Variants in RADIL observed in about 807,000 individuals in gnomAD.
The protein encoded by RADIL is Rap associating with DIL domain.
RADIL carries 99 observed loss-of-function variants against 97.6 expected under a neutral mutation model. The ratio of observed to expected loss-of-function variants is 1.01; its 90% CI spans 0.86 to 1.20. The LOEUF (loss-of-function observed/expected upper bound fraction) is 1.20. Among genes scored for constraint, RADIL ranks in the 50% most tolerant of loss-of-function variants. The pLI, the probability that RADIL is intolerant of heterozygous loss-of-function variation, is 0.00. For synonymous variants in RADIL, 803 were observed against 691.8 expected (o/e 1.16, Z -2.52); for missense variants, 1,765 against 1,498.9 (o/e 1.18, Z -2.93).
In RADIL at chr7:4,846,518, C is replaced by T. The variant is rs193100972; in HGVS notation, c.536-9913G>A. Among the ~76,000 whole-genome samples, 12 of 149,338 alleles carry T rather than the reference C, an allele frequency of 8.0e-5. No individual in the cohort carries two copies. The East Asian group carries it at 2.4e-3, about 30-fold the overall frequency. On this transcript the variant is annotated intron_variant, in intron 2 of 14. Coordinates refer to ENST00000399583, the MANE Select transcript of RADIL (RefSeq NM_018059.5). ...TTCCTTGCCATCTAGAAAATGATTC[C>T]AACTCCCTTCCCTCCCCTGCATCTG...
chr7:4,839,188 C>T (rs187069303), intron 2 of RADIL, among the ~76,000 whole-genome samples: 4 of 152,114 alleles, frequency 2.6e-5, no homozygotes, highest in African/African-American at 9.7e-5. Context: ...CCTAAAACAC[C>T]GCTGTATATA....
At chr7:4,858,364 T>C (rs1227819167) in intron 2 of RADIL, 1 of 152,240 alleles carries the variant, frequency 6.6e-6, no homozygotes, top group Non-Finnish European at 1.5e-5. Flanking sequence ...TTCATTCACA[T>C]CTGTTGCCCC....
rs1411069881 is a variant in RADIL at position 4,822,417 on chromosome 7, A to G, written c.1592T>C (p.Met531Thr). 6.2e-7 allele frequency: 1 copy of G among 1,612,462 alleles called. No individual in the cohort carries two copies. Among genetic ancestry groups the G allele is most frequent in the African/African-American group, 1.3e-5 (1 of 75,064 alleles). ...QQKCPLYMQS[M>T]EEQLDITGSK... ...ACCTGTGATGTCCAGCTGCTCCTCCATGCTCTGCATGTAGAGTGGGCATTT... is the reference window on the plus strand; with the variant it reads ...ACCTGTGATGTCCAGCTGCTCCTCCGTGCTCTGCATGTAGAGTGGGCATTT... The change falls in exon 6 of 15, where the codon ATG becomes ACG. Residue 531 changes from methionine to threonine, a missense_variant. Transcript: ENST00000399583. The surrounding 1 kb of genome is among the most constrained non-coding windows in gnomAD (Gnocchi z 5.3).
chr7:4,879,891 C>T lies in RADIL; in HGVS notation c.-64-1688G>A, dbSNP rs947338767. Among the ~76,000 whole-genome samples the T allele has an allele frequency of 6.6e-6, 1 of 152,200 alleles. No homozygotes were observed. Among genetic ancestry groups the T allele is most frequent in the South Asian group, 2.1e-4 (1 of 4,830 alleles). On this transcript the variant is annotated intron_variant, in intron 1 of 14. Transcript: ENST00000399583. This position sits in a 1 kb window ranked among gnomAD's most constrained non-coding sequence, Gnocchi z 4.1. ...AGCTGTCATGGGTGAGTCCTGAAATCAGACCACCACTCGCTTCCTCCAGAA... is the reference window on the plus strand; with the variant it reads ...AGCTGTCATGGGTGAGTCCTGAAATTAGACCACCACTCGCTTCCTCCAGAA...
Position 4,880,261 on chromosome 7 carries a change from G to A in RADIL, c.-64-2058C>T, listed in dbSNP as rs370861054. On this transcript the variant is annotated intron_variant, in intron 1 of 14. Coordinates refer to ENST00000399583, the MANE Select transcript of RADIL (RefSeq NM_018059.5). This position sits in a 1 kb window ranked among gnomAD's most constrained non-coding sequence, Gnocchi z 4.5. ...TCTCTTCCTCTGAGGAAGGTGCAAC[G>A]AGTGGCCTTGTCAAATCCTAAGAAG... Among the ~76,000 whole-genome samples the A allele has an allele frequency of 9.9e-5, 15 of 152,150 alleles. No homozygotes were observed. The highest frequency in any genetic ancestry group is 1.6e-4 in the Non-Finnish European group (11 of 68,018).
intron 2 of RADIL, among the ~76,000 whole-genome samples, chr7:4,846,627 C>T (rs973403649): frequency 6.7e-6 from 1 of 150,162 alleles, no homozygotes; most frequent in African/African-American, 2.5e-5. Flanking sequence ...CTCACTGCAA[C>T]GTCCGCCTTC....
At chr7:4,805,406 G>A (rs1182866216) in intron 10 of RADIL, 160 bp downstream of exon 10, 1 of 620,274 alleles carries the variant, frequency 1.6e-6, no homozygotes, top group East Asian at 3.4e-5. Context: ...GGATGGGGCG[G>A]GGCGGGGGGG....
Position 4,801,650 on chromosome 7 carries a change from C to T in RADIL, c.2842+3G>A, listed in dbSNP as rs764201292. The T allele has an allele frequency of 1.9e-6, 3 of 1,591,628 alleles. No homozygotes were observed. The highest frequency in any genetic ancestry group is 2.3e-5 in the South Asian group (2 of 88,180). On this transcript the variant is annotated splice_donor_region_variant and intron_variant, in intron 12 of 14. Transcript: ENST00000399583. The stretch of plus-strand genomic sequence containing the variant: ...TCCCGCCTGAGCACCAGGCAGGGCT[C>T]ACCTTCCGGAGCTGCACCCCGGAGG...
chr7:4,802,061 TGGGCAGCCTGCAGCAGAA>T (rs1306205071), intron 11 of RADIL, 66 bp from the exon 12 acceptor site: 1 of 1,334,632 alleles, frequency 7.5e-7, no homozygotes, highest in Non-Finnish European at 1.0e-6. Flanking sequence ...CTCGGGCAAC[TGGGCAGCCTGCAGCAGAA>T]GGGCCGCCAG....
chr7:4,839,042 C>T (rs1429173477), intron 2 of RADIL, among the ~76,000 whole-genome samples: 1 of 152,354 alleles, frequency 6.6e-6, no homozygotes, highest in African/African-American at 2.4e-5. Context: ...CCGCCATGCA[C>T]GGGAGGAGAG....
intron 2 of RADIL, among the ~76,000 whole-genome samples, chr7:4,856,050 C>A (rs1783821538): frequency 6.6e-6 from 1 of 151,882 alleles, no homozygotes; most frequent in Admixed American, 6.6e-5. Flanking sequence ...CTCAAGTGAT[C>A]CGCTCGCCTC....
Position 4,878,710 on chromosome 7 carries a change from G to A in RADIL, c.-64-507C>T, listed in dbSNP as rs142766968. ...CATTACTGGGAAACACAATGAGGTC[G>A]CCTAAGTAAGACACGCTCCGCTGCA... On this transcript the variant is annotated intron_variant, in intron 1 of 14. Coordinates refer to ENST00000399583, the MANE Select transcript of RADIL (RefSeq NM_018059.5). The surrounding 1 kb of genome is among the most constrained non-coding windows in gnomAD (Gnocchi z 4.1). 2.6e-5 allele frequency among the ~76,000 whole-genome samples: 4 copies of A among 152,330 alleles called. No individual in the cohort carries two copies. The highest frequency in any genetic ancestry group is 7.2e-5 in the African/African-American group (3 of 41,586).
At chr7:4,843,265 G>T (rs190496570) in intron 2 of RADIL, among the ~76,000 whole-genome samples, 2 of 151,388 alleles carry the variant, frequency 1.3e-5, no homozygotes, top group African/African-American at 4.9e-5. Flanking sequence ...CGCCTGCCTC[G>T]GCCTGCCAAA....
intron 2 of RADIL, among the ~76,000 whole-genome samples, chr7:4,855,465 C>T (rs1347801793): frequency 6.6e-6 from 1 of 152,022 alleles, no homozygotes; most frequent in East Asian, 1.9e-4. Context: ...AATTGGAACG[C>T]AGAGTGTGGG....
In RADIL at chr7:4,817,039, G is replaced by A. The variant is rs1782696226; in HGVS notation, c.1728+200C>T. Among the ~76,000 whole-genome samples, 6 of 152,148 alleles carry A rather than the reference G, an allele frequency of 3.9e-5. No homozygotes were observed. The South Asian group carries it at 8.3e-4, about 21-fold the overall frequency. ...TGGGATGGTTCTAGGGCTTCTGTGC[G>A]ACCTGAGGAGGAGCGGGTGTGGGGG... On this transcript the variant is annotated intron_variant, in intron 7 of 14. Coordinates refer to ENST00000399583, the MANE Select transcript of RADIL (RefSeq NM_018059.5). This position sits in a 1 kb window ranked among gnomAD's most constrained non-coding sequence, Gnocchi z 8.3.
At chr7:4,825,134 G>C (rs1174687529) in intron 5 of RADIL, among the ~76,000 whole-genome samples, 1 of 151,298 alleles carries the variant, frequency 6.6e-6, no homozygotes, top group Non-Finnish European at 1.5e-5. Context: ...AAGGGCACTC[G>C]GGGGGGGACA....
chr7:4,875,997 C>T (rs1784369314), intron 2 of RADIL, among the ~76,000 whole-genome samples: 1 of 152,062 alleles, frequency 6.6e-6, no homozygotes, highest in African/African-American at 2.4e-5. Context: ...ACAAGTTACT[C>T]TTTTTATTGT....
rs1435799476 is a variant in RADIL, at chr7:4,859,945, G to C, written c.535+17660C>G. ...GCTGAGTTTCCTGAAGGTCTGGATG[G>C]CTTATGAGACATGTTGAAGAAACAA... On this transcript the variant is annotated intron_variant, in intron 2 of 14. Transcript: ENST00000399583. The C allele has an allele frequency of 1.9e-6, 3 of 1,613,752 alleles. No individual in the cohort carries two copies. The highest frequency in any genetic ancestry group is 1.7e-5 in the Admixed American group (1 of 59,996).
At position 4,835,512 on chromosome 7, in the gene RADIL, G is replaced by A. The variant is rs376522184; in HGVS notation, c.784-273C>T. 1.3e-5 allele frequency among the ~76,000 whole-genome samples: 2 copies of A among 152,158 alleles called. No individual in the cohort carries two copies. Among genetic ancestry groups the A allele is most frequent in the South Asian group, 2.1e-4 (1 of 4,836 alleles). ...TTTGAGACAGCGACAGGCCAGGTCAGGGCTGGCCGGGAAACAGGCACTGGT... is the reference window on the plus strand; with the variant it reads ...TTTGAGACAGCGACAGGCCAGGTCAAGGCTGGCCGGGAAACAGGCACTGGT... On this transcript the variant is annotated intron_variant, in intron 3 of 14. Transcript: ENST00000399583. The surrounding 1 kb of genome is among the most constrained non-coding windows in gnomAD (Gnocchi z 5.8).
Sources: gnomAD v4.1 joint callset for allele counts (sites outside exome capture counted in the v4.1 genomes callset) on GRCh38, gnomAD v4.1.1 for gene constraint, Gnocchi (gnomAD v3.1) non-coding constraint, MANE v1.5 for transcripts, NCBI Gene and HGNC (gene_info 2026-07-23, HGNC 2026-07-21) for gene names.